The following SPACA6 variants were observed in gnomAD, a reference collection of about 807,000 sequenced individuals.
SPACA6 encodes sperm acrosome membrane-associated protein 6.
For synonymous variants in SPACA6, 6 were observed against 1.5 expected, an observed-to-expected ratio of 4.05 and a Z score of -2.21; for missense variants, 8 against 2.8, an observed-to-expected ratio of 2.88 and a Z score of -1.34.
chr19:51,692,136 T>G (rs2083379138), upstream of SPACA6, among the ~76,000 whole-genome samples: 1 of 152,116 alleles, frequency 6.6e-6, no homozygotes, highest in African/African-American at 2.4e-5. The surrounding 1 kb of genome is among the most constrained non-coding windows in gnomAD (Gnocchi z 5.6). Context: ...GGCTAGCCCC[T>G]GGCCTCCTTA....
At chr19:51,709,549 A>AAG (rs1568622376), downstream of SPACA6, among the ~76,000 whole-genome samples, 1 of 149,536 alleles carries the variant, frequency 6.7e-6, no homozygotes, top group Non-Finnish European at 1.5e-5. Flanking sequence ...AAAAAAAAAA[A>AAG]AGATGACATG....
At chr19:51,692,902 CAGCCCCACTCAGGGACCCTT>C (rs774375145), upstream of SPACA6, 4 of 531,574 alleles carry the variant, frequency 7.5e-6, no homozygotes, top group South Asian at 5.6e-5. The surrounding 1 kb of genome is among the most constrained non-coding windows in gnomAD (Gnocchi z 5.6). Context: ...CGGGGACCCC[CAGCCCCACTCAGGGACCCTT>C]AGCCCCACTG....
In SPACA6 at chr19:51,704,369, G is replaced by A. The variant is rs2083497803; in HGVS notation, c.830G>A (p.Arg277Lys). The A allele has an allele frequency of 2.5e-6, 1 of 400,866 alleles. No individual in the cohort carries two copies. Among genetic ancestry groups the A allele is most frequent in the Non-Finnish European group, 4.4e-6 (1 of 226,194 alleles). The allele number at this position is 400,866 out of a possible 1,614,324, so 24.8% of individuals were successfully genotyped here. A position where few individuals can be genotyped will look rare whatever the true frequency, so the allele number is the denominator to read the frequency against. Residue 277 changes from arginine to lysine, a missense_variant, in exon 8 of 9, where the codon AGG (arginine) becomes AAG (lysine). Transcript: ENST00000637797. Reference protein sequence around the residue: ...PRDAELIEPWRPSLGELLARP... With the variant: ...PRDAELIEPWKPSLGELLARP... Reference sequence around the variant, plus strand: ...GATGCCGAGCTGATCGAGCCCTGGAGGCCCAGCCTGGGCGAGCTGCTGGCC... The same window carrying A: ...GATGCCGAGCTGATCGAGCCCTGGAAGCCCAGCCTGGGCGAGCTGCTGGCC...
chr19:51,686,189 G>A (rs553129961), upstream of SPACA6: 1 of 152,304 alleles, frequency 6.6e-6, no homozygotes, highest in East Asian at 1.9e-4. Context: ...AAACTAATGG[G>A]AATTATGGTC....
At chr19:51,700,495 A>G (rs151282149) in intron 2 of SPACA6, among the ~76,000 whole-genome samples, 28 of 152,316 alleles carry the variant, frequency 1.8e-4, no homozygotes, top group African/African-American at 6.0e-4. Flanking sequence ...CAAATTTTAT[A>G]TGTTGGCAAC....
chr19:51,692,618 C>T (rs1262903983), upstream of SPACA6: 4 of 529,808 alleles, frequency 7.5e-6, no homozygotes, highest in East Asian at 1.1e-4. The surrounding 1 kb of genome is among the most constrained non-coding windows in gnomAD (Gnocchi z 5.6). Context: ...TCCTGGCACC[C>T]ACCCGTAGAA....
chr19:51,705,547 T>C (rs1244491049), downstream of SPACA6, among the ~76,000 whole-genome samples: 1 of 152,036 alleles, frequency 6.6e-6, no homozygotes, highest in Non-Finnish European at 1.5e-5. Flanking sequence ...ACCCTCAGAC[T>C]TTTTAACTCC....
chr19:51,706,670 CT>C (rs66487452), downstream of SPACA6, among the ~76,000 whole-genome samples: 184 of 146,118 alleles, frequency 1.3e-3, no homozygotes, highest in Non-Finnish European at 1.3e-3. Flanking sequence ...AATGTTAACT[CT>C]TTTTTTTTTT....
intron 2 of SPACA6, among the ~76,000 whole-genome samples, chr19:51,697,287 G>A (rs569483041): frequency 2.6e-5 from 4 of 152,284 alleles, no homozygotes; most frequent in African/African-American, 9.6e-5. Context: ...ATGGGGCCTG[G>A]ACAAAGGCAG....
upstream of SPACA6, chr19:51,692,508 G>T (rs2083382538): frequency 7.0e-6 from 3 of 428,586 alleles, no homozygotes; most frequent in Non-Finnish European, 1.4e-5. The surrounding 1 kb of genome is among the most constrained non-coding windows in gnomAD (Gnocchi z 5.6). Flanking sequence ...GGAGGAGGGG[G>T]ATGAGAGCCT....
upstream of SPACA6, chr19:51,692,994 C>A: frequency 2.6e-6 from 1 of 388,702 alleles, no homozygotes. This position sits in a 1 kb window ranked among gnomAD's most constrained non-coding sequence, Gnocchi z 5.6. Flanking sequence ...CCCTGCATCC[C>A]CTCCTTCCCC....
chr19:51,694,688 G>T (rs1291016336), intron 2 of SPACA6, 133 bp downstream of exon 2: 2 of 397,856 alleles, frequency 5.0e-6, no homozygotes, highest in East Asian at 7.1e-5. Context: ...AAGCTGGGAA[G>T]ACATTGAGCT....
At chr19:51,691,159 A>G (rs1292702837), upstream of SPACA6, among the ~76,000 whole-genome samples, 1 of 150,668 alleles carries the variant, frequency 6.6e-6, no homozygotes, top group East Asian at 2.0e-4. Context: ...CCAGCTCCAG[A>G]CCTGGCTCGA....
At chr19:51,695,925 C>A (rs1047821694) in intron 2 of SPACA6, among the ~76,000 whole-genome samples, 1 of 152,174 alleles carries the variant, frequency 6.6e-6, no homozygotes, top group South Asian at 2.1e-4. Context: ...AGGTCCTGCT[C>A]TGTGCCTGTT....
At chr19:51,699,616 T>C (rs2083454203) in intron 2 of SPACA6, among the ~76,000 whole-genome samples, 1 of 152,190 alleles carries the variant, frequency 6.6e-6, no homozygotes, top group African/African-American at 2.4e-5. Context: ...TCTCTTTGGC[T>C]TGTAGATGCC....
chr19:51,689,925 A>C (rs1419991760), upstream of SPACA6, among the ~76,000 whole-genome samples: 1 of 147,144 alleles, frequency 6.8e-6, no homozygotes, highest in Admixed American at 6.9e-5. Context: ...TGCCTGCGGC[A>C]GCGGAAGGGT....
Position 51,693,519 on chromosome 19 carries a change from C to A in SPACA6, c.-8C>A. 2.0e-6 allele frequency: 1 copy of A among 490,902 alleles called. No individual in the cohort carries two copies. The highest frequency in any genetic ancestry group is 3.5e-5 in the South Asian group (1 of 28,196). The allele number at this position is 490,902 out of a possible 1,614,324, so 30.4% of individuals were successfully genotyped here. On this transcript the variant is annotated 5_prime_UTR_variant, in exon 1 of 9. Coordinates refer to ENST00000637797, the MANE Select transcript of SPACA6 (RefSeq NM_001316972.2). ...ACTAGCTTCTCCCCTGGCCTTGAGA[C>A]CCACACGATGGCCCTGCTGGCTCTG...
At chr19:51,687,647 G>T (rs1218276321), upstream of SPACA6, 1 of 152,118 alleles carries the variant, frequency 6.6e-6, no homozygotes. Flanking sequence ...AGAACTGGGT[G>T]GCTGGAGGAT....
upstream of SPACA6, among the ~76,000 whole-genome samples, chr19:51,691,027 G>C (rs2083366526): frequency 7.3e-6 from 1 of 136,232 alleles, no homozygotes; most frequent in South Asian, 2.4e-4. Flanking sequence ...AGAGCTGGCC[G>C]TAGACCCGTC....
Sources: allele counts gnomAD v4.1 joint callset (sites outside exome capture counted in the v4.1 genomes callset), GRCh38; gene constraint gnomAD v4.1.1; non-coding constraint Gnocchi (gnomAD v3.1); transcripts MANE v1.5; gene names NCBI Gene and HGNC (gene_info 2026-07-23, HGNC 2026-07-21).